ANO4: variants seen among roughly 807,000 people sequenced by gnomAD.
ANO4 encodes anoctamin-4.
In ANO4, 69 loss-of-function variants were observed where a neutral mutation model predicts 141.9. That is an observed-to-expected ratio of 0.49 (90% CI 0.40 to 0.59). The LOEUF (loss-of-function observed/expected upper bound fraction) is 0.59, where lower values mean the gene tolerates loss of function less well. Ranked by LOEUF, ANO4 falls within the 20% of genes least tolerant of loss-of-function variation. ANO4 has a pLI of 0.00. For synonymous variants in ANO4, 350 were observed against 394.3 expected, an observed-to-expected ratio of 0.89 and a Z score of 1.33; for missense variants, 894 against 1,162.2, an observed-to-expected ratio of 0.77 and a Z score of 3.36.
chr12:100,854,169 A>AT (rs2038039052), intron 1 of ANO4, among the ~76,000 whole-genome samples: 1 of 152,092 alleles, frequency 6.6e-6, no homozygotes, highest in African/African-American at 2.4e-5. Context: ...AGTGATAGTT[A>AT]TTTTTTCTTA....
At chr12:100,842,076 C>CAA (rs1555228621) in intron 1 of ANO4, 1 of 96,686 alleles carries the variant, frequency 1.0e-5, no homozygotes, top group Non-Finnish European at 2.1e-5. Flanking sequence ...CCCCCCCCCC[C>CAA]CACTGAAAGC....
chr12:100,754,313 A>G (rs1274295670), intron 3 of ANO4, among the ~76,000 whole-genome samples: 1 of 152,176 alleles, frequency 6.6e-6, no homozygotes, highest in Non-Finnish European at 1.5e-5. Context: ...TCTTTTCTTT[A>G]GTCCTGTGGT....
chr12:100,910,727 A>G (rs932887128), intron 2 of ANO4, among the ~76,000 whole-genome samples: 2 of 152,164 alleles, frequency 1.3e-5, no homozygotes, highest in African/African-American at 2.4e-5. Context: ...GAAATCTAAA[A>G]TACTTCTTCT....
At chr12:100,881,793 CTG>C (rs2039583239) in intron 1 of ANO4, among the ~76,000 whole-genome samples, 2 of 152,336 alleles carry the variant, frequency 1.3e-5, no homozygotes, top group African/African-American at 4.8e-5. Context: ...GTCATGGAAA[CTG>C]TTATTTAATA....
chr12:100,871,964 G>A (rs1476099385), intron 1 of ANO4, among the ~76,000 whole-genome samples: 2 of 152,138 alleles, frequency 1.3e-5, no homozygotes, highest in Non-Finnish European at 2.9e-5. Flanking sequence ...GTGTATCATG[G>A]CCACTGAATA....
chr12:101,027,112 C>A (rs187847231), intron 9 of ANO4, among the ~76,000 whole-genome samples: 1 of 152,246 alleles, frequency 6.6e-6, no homozygotes, highest in African/African-American at 2.4e-5. Context: ...TGCGGCAGCC[C>A]GTCTGAGAGC....
At chr12:100,808,645 A>G (rs907290407) in intron 1 of ANO4, among the ~76,000 whole-genome samples, 5 of 152,192 alleles carry the variant, frequency 3.3e-5, no homozygotes, top group African/African-American at 1.2e-4. Context: ...GTTTATAAGT[A>G]TTTGTTTAGT....
At chr12:100,937,530 G>C (rs1007033726) in intron 3 of ANO4, among the ~76,000 whole-genome samples, 3 of 152,112 alleles carry the variant, frequency 2.0e-5, no homozygotes, top group African/African-American at 7.2e-5. Context: ...CACAGTACCT[G>C]GCACAATGTA....
intron 3 of ANO4, among the ~76,000 whole-genome samples, chr12:100,754,563 G>T (rs1420557388): frequency 1.3e-5 from 2 of 152,070 alleles, no homozygotes; most frequent in African/African-American, 2.4e-5. Context: ...TCCACTCTGG[G>T]TATATATCCA....
chr12:100,987,181 C>A, intron 7 of ANO4: 1 of 176,844 alleles, frequency 5.7e-6, no homozygotes, highest in Admixed American at 5.5e-5. Flanking sequence ...TTTTTTAGAA[C>A]CTACAGAATG....
At chr12:100,991,830 A>T (rs891214980) in intron 8 of ANO4, among the ~76,000 whole-genome samples, 1 of 152,188 alleles carries the variant, frequency 6.6e-6, no homozygotes, top group Admixed American at 6.5e-5. Flanking sequence ...AAAGTAGGAG[A>T]ATCATGTAAG....
chr12:100,728,831 A>C (rs766656265), intron 1 of ANO4, among the ~76,000 whole-genome samples: 2 of 152,174 alleles, frequency 1.3e-5, no homozygotes, highest in Admixed American at 6.5e-5. Flanking sequence ...ATAGTGAACT[A>C]TAATATACAT....
chr12:100,964,658 A>G (rs1453281089), intron 5 of ANO4, among the ~76,000 whole-genome samples: 1 of 152,172 alleles, frequency 6.6e-6, no homozygotes, highest in Non-Finnish European at 1.5e-5. Context: ...CACGCTCAGT[A>G]AATTGAAACG....
intron 1 of ANO4, among the ~76,000 whole-genome samples, chr12:100,886,846 C>G (rs1050178221): frequency 1.3e-5 from 2 of 152,178 alleles, no homozygotes; most frequent in Non-Finnish European, 2.9e-5. Flanking sequence ...CCCCTTTCTC[C>G]CCTCAGAGAT....
chr12:100,827,687 T>G (rs531898079), intron 1 of ANO4, among the ~76,000 whole-genome samples: 35 of 152,088 alleles, frequency 2.3e-4, no homozygotes, highest in Non-Finnish European at 4.1e-4. Context: ...TAATCATTTA[T>G]CAGATTATTA....
At chr12:100,949,350 C>T (rs2042876646) in intron 5 of ANO4, among the ~76,000 whole-genome samples, 1 of 152,202 alleles carries the variant, frequency 6.6e-6, no homozygotes, top group Admixed American at 6.5e-5. Flanking sequence ...TGGGATCACA[C>T]ATTCTGAGTG....
intron 1 of ANO4, among the ~76,000 whole-genome samples, chr12:100,821,709 C>T (rs2036062868): frequency 6.6e-6 from 1 of 151,914 alleles, no homozygotes; most frequent in East Asian, 1.9e-4. Context: ...TACTCCAGAC[C>T]ACAGATGCAA....
chr12:100,893,419 T>C (rs372687637), intron 1 of ANO4, among the ~76,000 whole-genome samples: 6 of 152,190 alleles, frequency 3.9e-5, no homozygotes, highest in Admixed American at 2.0e-4. Flanking sequence ...TTCAGAGTTT[T>C]TTCAGGCAGC....
intron 14 of ANO4, among the ~76,000 whole-genome samples, chr12:101,071,825 C>T (rs192237575): frequency 6.8e-4 from 103 of 152,064 alleles, no homozygotes; most frequent in African/African-American, 2.4e-3. Flanking sequence ...TATACACCTA[C>T]TAAGTACCCA....
Sources: gnomAD v4.1 joint callset for allele counts (sites outside exome capture counted in the v4.1 genomes callset) on GRCh38, gnomAD v4.1.1 for gene constraint, MANE v1.5 for transcripts, NCBI Gene and HGNC (gene_info 2026-07-23, HGNC 2026-07-21) for gene names.